PHLPP1: variants seen among roughly 807,000 people sequenced by gnomAD.
PHLPP1 encodes the protein PH domain leucine-rich repeat-containing protein phosphatase 1.
In PHLPP1, 42 loss-of-function variants were observed where a neutral mutation model predicts 117.2. That is an observed-to-expected ratio of 0.36 (90% confidence interval 0.28 to 0.46). The LOEUF is 0.46. PHLPP1 is among the 20% of genes least tolerant of loss of function. The probability of loss-of-function intolerance (pLI) is 1.00; values close to 1 mark genes in which losing one functional copy is unlikely to be tolerated. For synonymous variants in PHLPP1, 1,042 were observed against 970.7 expected (o/e 1.07, Z -1.37); for missense variants, 2,084 against 2,241.9 (o/e 0.93, Z 1.42).
At chr18:62,784,204 T>C (rs1913209621) in intron 1 of PHLPP1, among the ~76,000 whole-genome samples, 1 of 152,244 alleles carries the variant, frequency 6.6e-6, no homozygotes, top group Non-Finnish European at 1.5e-5. Flanking sequence ...TGGAGACTTT[T>C]TCATTGTCAC....
rs190598177 is a variant in PHLPP1, at chr18:62,823,742, C to T, written c.1577-6293C>T. Among the ~76,000 whole-genome samples, 5 of 151,978 alleles carry T rather than the reference C, an allele frequency of 3.3e-5. No individual in the cohort carries two copies. The South Asian group carries it at 8.3e-4, about 25-fold the overall frequency. On this transcript the variant is annotated intron_variant, in intron 1 of 16. Transcript: ENST00000262719. ...TAGTTACTTTGGCAAAGAAGATATG[C>T]GGATCACAAACTTGCGAGAAGATGA...
chr18:62,956,179 G>C (rs1358525549), intron 12 of PHLPP1, among the ~76,000 whole-genome samples: 1 of 152,200 alleles, frequency 6.6e-6, no homozygotes, highest in Non-Finnish European at 1.5e-5. Context: ...ACATGCCTTA[G>C]ACTGGATAAT....
chr18:62,969,760 T>G (rs1040073750), intron 14 of PHLPP1, among the ~76,000 whole-genome samples: 12 of 152,218 alleles, frequency 7.9e-5, no homozygotes, highest in African/African-American at 2.9e-4. Flanking sequence ...AAATATACTT[T>G]GTCTGATATT....
chr18:62,979,121 T>C lies in PHLPP1; in HGVS notation c.4844T>C (p.Val1615Ala). 6.2e-7 allele frequency: 1 copy of C among 1,613,862 alleles called. No homozygotes were observed. Among genetic ancestry groups the C allele is most frequent in the South Asian group, 1.1e-5 (1 of 91,066 alleles). ...CCCAGGAAGGCAGACTTCTCTGCCG[T>C]TGGGACCATTGGGCGCCGGAGGGCC... ...GLPRKADFSA[V>A]GTIGRRRANG... Residue 1615 changes from valine to alanine, a missense_variant, in exon 17 of 17, where the codon GTT (valine) becomes GCT (alanine). By Grantham distance (64) the Val-to-Ala change is moderately conservative. This residue lies in a region of PHLPP1 where 1,365 missense variants were observed against 1,605.9 expected (regional missense o/e 0.85). Coordinates refer to ENST00000262719, the MANE Select transcript of PHLPP1 (RefSeq NM_194449.4).
chr18:62,954,620 T>C (rs1389193564), intron 12 of PHLPP1, among the ~76,000 whole-genome samples: 1 of 152,206 alleles, frequency 6.6e-6, no homozygotes, highest in Non-Finnish European at 1.5e-5. Flanking sequence ...TTCAACTTTC[T>C]ATAATTTCTG....
chr18:62,979,497 C>T lies in PHLPP1; in HGVS notation c.*66C>T, dbSNP rs999530062. Reference sequence around the variant, plus strand: ...CTGAGTTGCAAGAGTCTCCCAGGCTCACATTAAACCAGGGGTTTTACTCCA... The same window carrying T: ...CTGAGTTGCAAGAGTCTCCCAGGCTTACATTAAACCAGGGGTTTTACTCCA... On this transcript the variant is annotated 3_prime_UTR_variant, in exon 17 of 17. Transcript: ENST00000262719. 22 of 1,493,328 alleles carry T rather than the reference C, an allele frequency of 1.5e-5. No individual in the cohort carries two copies. The highest frequency in any genetic ancestry group is 2.2e-5 in the Admixed American group (1 of 45,618). 92.5% of individuals were successfully genotyped at this position (1,493,328 alleles called of 1,614,324 possible). A position where few individuals can be genotyped will look rare whatever the true frequency, so the allele number is the denominator to read the frequency against.
intron 10 of PHLPP1, among the ~76,000 whole-genome samples, chr18:62,937,686 A>AT (rs1301463173): frequency 6.6e-6 from 1 of 152,172 alleles, no homozygotes; most frequent in African/African-American, 2.4e-5. Context: ...ATGAGAGGTT[A>AT]TATCTCTGGG....
At chr18:62,723,111 G>A (rs1910973715) in intron 1 of PHLPP1, among the ~76,000 whole-genome samples, 1 of 152,186 alleles carries the variant, frequency 6.6e-6, no homozygotes, top group African/African-American at 2.4e-5. Flanking sequence ...CGTAAAGTGT[G>A]TTTAACAATA....
intron 4 of PHLPP1, among the ~76,000 whole-genome samples, chr18:62,871,644 ATTTTT>A (rs71160879): frequency 9.2e-6 from 1 of 108,620 alleles, no homozygotes; most frequent in Admixed American, 1.0e-4. Flanking sequence ...AGCTCTGAAA[ATTTTT>A]TTTTTTTTTT....
chr18:62,959,116 AAG>A (rs1387319974), intron 13 of PHLPP1, among the ~76,000 whole-genome samples: 1 of 152,244 alleles, frequency 6.6e-6, no homozygotes, highest in Non-Finnish European at 1.5e-5. Context: ...CGGTTTGGGA[AAG>A]AGGTCATTGA....
intron 13 of PHLPP1, among the ~76,000 whole-genome samples, chr18:62,960,686 C>G (rs983553712): frequency 3.3e-5 from 5 of 152,082 alleles, no homozygotes; most frequent in Non-Finnish European, 7.4e-5. Flanking sequence ...TAACATTTCC[C>G]CCCTCAAATT....
chr18:62,716,729 G>T lies in PHLPP1; in HGVS notation c.1046G>T (p.Ser349Ile). Residue 349 changes from serine (S) to isoleucine (I), a missense_variant, in exon 1 of 17, where the codon AGC (serine) becomes ATC (isoleucine). By Grantham distance (142) the Ser-to-Ile change is moderately radical (BLOSUM62 -2). This residue lies in a region of PHLPP1 where 719 missense variants were observed against 636.0 expected (regional missense o/e 1.13). Transcript: ENST00000262719. The surrounding 1 kb of genome is among the most constrained non-coding windows in gnomAD (Gnocchi z 5.7). Reference sequence around the variant, plus strand: ...CGGCCTGTGGTCTCCGACACCGAGAGCTTCAGTCTGAGTCCCAGCGCCGAG... The same window carrying T: ...CGGCCTGTGGTCTCCGACACCGAGATCTTCAGTCTGAGTCCCAGCGCCGAG... ...APRPVVSDTE[S>I]FSLSPSAESV... The T allele has an allele frequency of 6.6e-7, 1 of 1,508,988 alleles. No individual in the cohort carries two copies. Among genetic ancestry groups the T allele is most frequent in the Non-Finnish European group, 8.8e-7 (1 of 1,134,066 alleles). 93.5% of individuals were successfully genotyped at this position (1,508,988 alleles called of 1,614,324 possible).
chr18:62,899,177 A>G (rs906570826), intron 6 of PHLPP1, among the ~76,000 whole-genome samples: 10 of 152,216 alleles, frequency 6.6e-5, no homozygotes, highest in Non-Finnish European at 2.9e-5. Flanking sequence ...TGTACTATAC[A>G]TCAGTCTGTC....
At chr18:62,739,944 C>T (rs1252121782) in intron 1 of PHLPP1, among the ~76,000 whole-genome samples, 5 of 152,150 alleles carry the variant, frequency 3.3e-5, no homozygotes, top group African/African-American at 1.2e-4. Flanking sequence ...ATTTCAACTA[C>T]TGCTGAATTT....
intron 1 of PHLPP1, among the ~76,000 whole-genome samples, chr18:62,743,376 C>T (rs533978014): frequency 5.3e-4 from 81 of 151,620 alleles, no homozygotes; most frequent in African/African-American, 2.0e-3. Flanking sequence ...TGAACTCTCA[C>T]GTAATCATTA....
intron 4 of PHLPP1, among the ~76,000 whole-genome samples, chr18:62,875,127 T>C (rs926586006): frequency 6.6e-6 from 1 of 152,156 alleles, no homozygotes; most frequent in Non-Finnish European, 1.5e-5. Context: ...GCTAATTTTT[T>C]GTATTTTTAG....
intron 3 of PHLPP1, chr18:62,842,973 G>A (rs994217257): frequency 2.0e-5 from 3 of 152,126 alleles, no homozygotes; most frequent in African/African-American, 7.2e-5. Flanking sequence ...CTCCATTTGG[G>A]AATATATGCC....
At chr18:62,942,256 C>T (rs1051418718) in intron 11 of PHLPP1, among the ~76,000 whole-genome samples, 6 of 152,148 alleles carry the variant, frequency 3.9e-5, no homozygotes, top group South Asian at 2.1e-4. Flanking sequence ...TGTGGCAGTG[C>T]GTGCCTGTAG....
intron 1 of PHLPP1, among the ~76,000 whole-genome samples, chr18:62,811,477 A>G (rs1914115790): frequency 2.6e-5 from 4 of 152,094 alleles, no homozygotes; most frequent in Admixed American, 2.6e-4. Flanking sequence ...GCAAATTTTT[A>G]AAATGGACGA....
Sources: gnomAD v4.1 joint callset for allele counts (sites outside exome capture counted in the v4.1 genomes callset) on GRCh38, gnomAD v4.1.1 for gene constraint, gnomAD v4.1.1 regional missense constraint, Gnocchi (gnomAD v3.1) non-coding constraint, MANE v1.5 for transcripts, NCBI Gene and HGNC (gene_info 2026-07-23, HGNC 2026-07-21) for gene names.